Variants in IL6ST observed in about 807,000 individuals in gnomAD.
IL6ST encodes the protein interleukin 6 cytokine family signal transducer, also known as interleukin-6 receptor subunit beta.
In IL6ST, 24 loss-of-function variants were observed where a neutral mutation model predicts 91.3. The observed-to-expected ratio is 0.26, with a 90% confidence interval of 0.19 to 0.37. The LOEUF (loss-of-function observed/expected upper bound fraction) is 0.37, where lower values mean the gene tolerates loss of function less well. Among genes scored for constraint, IL6ST ranks in the 10% least tolerant of loss-of-function variants. The probability of loss-of-function intolerance (pLI) is 1.00; values close to 1 mark genes in which losing one functional copy is unlikely to be tolerated. For missense variants in IL6ST, 914 were observed against 1,078.5 expected, an observed-to-expected ratio of 0.85 and a Z score of 2.14; for synonymous variants, 351 against 373.6, an observed-to-expected ratio of 0.94 and a Z score of 0.70.
rs778499814 is a variant in IL6ST at position 55,940,314 on chromosome 5, C to T, written c.*768G>A. ...ATGCTTGAGATAGTTTGGGGGATCC[C>T]TAGCTCTTATCATGGCACTCTGTTG... On this transcript the variant is annotated 3_prime_UTR_variant, in exon 17 of 17. Transcript: ENST00000381298. 3.2e-4 allele frequency: 68 copies of T among 211,448 alleles called. No individual in the cohort carries two copies. The highest frequency in any genetic ancestry group is 7.6e-4 in the Admixed American group (13 of 17,018). 13.1% of individuals were successfully genotyped at this position (211,448 alleles called of 1,614,324 possible). A position where few individuals can be genotyped will look rare whatever the true frequency, so the allele number is the denominator to read the frequency against.
rs1172413136 is a variant in IL6ST, at chr5:55,937,503, A to G, written c.*3579T>C. 4.8e-6 allele frequency: 1 copy of G among 210,494 alleles called. No homozygotes were observed. Among genetic ancestry groups the G allele is most frequent in the Admixed American group, 5.9e-5 (1 of 17,030 alleles). 13.0% of individuals were successfully genotyped at this position (210,494 alleles called of 1,614,324 possible). A position where few individuals can be genotyped will look rare whatever the true frequency, so the allele number is the denominator to read the frequency against. On this transcript the variant is annotated 3_prime_UTR_variant, in exon 17 of 17. Transcript: ENST00000381298. ...TCTGAATTCTGTTTATCGAGTCTGAAAAGGAACTGCTGCCAAGGACCAGTC... is the reference window on the plus strand; with the variant it reads ...TCTGAATTCTGTTTATCGAGTCTGAGAAGGAACTGCTGCCAAGGACCAGTC...
chr5:55,965,369 T>A (rs1478265720), intron 5 of IL6ST, among the ~76,000 whole-genome samples: 1 of 152,184 alleles, frequency 6.6e-6, no homozygotes, highest in African/African-American at 2.4e-5. Context: ...CAGGTAAATA[T>A]AATTATGTAA....
At chr5:55,980,605 C>T (rs1753601541) in intron 2 of IL6ST, among the ~76,000 whole-genome samples, 1 of 152,094 alleles carries the variant, frequency 6.6e-6, no homozygotes. Flanking sequence ...GTACTATGCT[C>T]ACCAACTGGG....
intron 7 of IL6ST, among the ~76,000 whole-genome samples, chr5:55,961,486 G>A (rs534298775): frequency 6.6e-6 from 1 of 152,014 alleles, no homozygotes; most frequent in Non-Finnish European, 1.5e-5. Context: ...GGCTGGGTGC[G>A]GTGGCTCACG....
intron 10 of IL6ST, among the ~76,000 whole-genome samples, chr5:55,955,591 A>G (rs1461398702): frequency 2.0e-5 from 3 of 152,398 alleles, no homozygotes; most frequent in East Asian, 1.9e-4. Flanking sequence ...TCTTGAAATA[A>G]TATTTTAAAA....
chr5:55,940,323 A>G lies in IL6ST; in HGVS notation c.*759T>C. Reference sequence around the variant, plus strand: ...ATAGTTTGGGGGATCCCTAGCTCTTATCATGGCACTCTGTTGAGTTTGTGA... The same window carrying G: ...ATAGTTTGGGGGATCCCTAGCTCTTGTCATGGCACTCTGTTGAGTTTGTGA... On this transcript the variant is annotated 3_prime_UTR_variant, in exon 17 of 17. Transcript: ENST00000381298. 1 of 210,012 alleles carries G rather than the reference A, an allele frequency of 4.8e-6. No homozygotes were observed. The highest frequency in any genetic ancestry group is 9.7e-6 in the Non-Finnish European group (1 of 103,348). The allele number at this position is 210,012 out of a possible 1,614,324, so 13.0% of individuals were successfully genotyped here.
chr5:55,959,651 T>G (rs1320352044), intron 8 of IL6ST: 1 of 1,297,738 alleles, frequency 7.7e-7, no homozygotes, highest in Non-Finnish European at 1.0e-6. Context: ...GATCAACCGC[T>G]TCCCAGGGGC....
intron 14 of IL6ST, among the ~76,000 whole-genome samples, chr5:55,947,873 C>T (rs781542819): frequency 1.3e-5 from 2 of 152,108 alleles, no homozygotes; most frequent in Non-Finnish European, 2.9e-5. Context: ...GGGTAATCTA[C>T]TGGGTTAGAG....
At position 55,941,455 on chromosome 5, in the gene IL6ST, T is replaced by C; in HGVS notation, c.2384A>G (p.Asp795Gly). Residue 795 changes from aspartate to glycine, a missense_variant, in exon 17 of 17, where the codon GAT becomes GGT. Physicochemically the swap from Asp to Gly is moderately conservative, Grantham distance 94. Coordinates refer to ENST00000381298, the MANE Select transcript of IL6ST (RefSeq NM_002184.4). ...PLLDSEERPEDLQLVDHVDGG... is the reference protein window; with the variant it reads ...PLLDSEERPEGLQLVDHVDGG... ...ATCTACATGATCTACTAATTGTAGA[T>C]CTTCTGGCCGCTCCTCTGAATCTAA... 6.2e-7 allele frequency: 1 copy of C among 1,614,212 alleles called. No homozygotes were observed. The highest frequency in any genetic ancestry group is 8.5e-7 in the Non-Finnish European group (1 of 1,180,016).
chr5:55,962,403 C>T (rs1398320809), intron 7 of IL6ST, among the ~76,000 whole-genome samples: 4 of 152,140 alleles, frequency 2.6e-5, no homozygotes, highest in Non-Finnish European at 5.9e-5. Context: ...TAGCTGAATG[C>T]TATGGTGATA....
intron 1 of IL6ST, among the ~76,000 whole-genome samples, chr5:55,987,870 C>T (rs1039455398): frequency 7.2e-5 from 11 of 152,152 alleles, no homozygotes; most frequent in African/African-American, 1.7e-4. Context: ...TGGTGGCTTA[C>T]GCCTGTAATC....
At chr5:55,994,534 G>C (rs566689636) in intron 1 of IL6ST, among the ~76,000 whole-genome samples, 3 of 151,838 alleles carry the variant, frequency 2.0e-5, no homozygotes, top group African/African-American at 7.2e-5. Flanking sequence ...CGTTAAGAGG[G>C]GTGCGTGCGT....
chr5:55,957,291 C>G lies in IL6ST; in HGVS notation c.974G>C (p.Arg325Thr). 6.8e-7 allele frequency: 1 copy of G among 1,479,910 alleles called. No homozygotes were observed. The highest frequency in any genetic ancestry group is 1.2e-5 in the South Asian group (1 of 80,158). The allele number at this position is 1,479,910 out of a possible 1,614,324, so 91.7% of individuals were successfully genotyped here. A position where few individuals can be genotyped will look rare whatever the true frequency, so the allele number is the denominator to read the frequency against. Residue 325 changes from arginine to threonine, a missense_variant and splice_region_variant, in exon 9 of 17, where the codon AGA becomes ACA. Physicochemically the swap from Arg to Thr is moderately conservative, Grantham distance 71. Transcript: ENST00000381298. ...EEASGITYED[R>T]PSKAPSFWYK... ...CCAGAAACTTGGTGCTTTAGATGGTCCTAAAGAAAAGACATAAACTCCTTA... is the reference window on the plus strand; with the variant it reads ...CCAGAAACTTGGTGCTTTAGATGGTGCTAAAGAAAAGACATAAACTCCTTA...
intron 1 of IL6ST, among the ~76,000 whole-genome samples, chr5:55,989,329 A>G (rs990447522): frequency 6.6e-6 from 1 of 152,166 alleles, no homozygotes; most frequent in African/African-American, 2.4e-5. Context: ...ACTATTCAAT[A>G]AATAGTATTG....
At position 55,939,004 on chromosome 5, in the gene IL6ST, G is replaced by A. The variant is rs1750706922; in HGVS notation, c.*2078C>T. ...TTCCTGTAGATTAAGAGTTCATATT[G>A]TATATCTGACCCTGAAATGTACAAA... On this transcript the variant is annotated 3_prime_UTR_variant, in exon 17 of 17. Coordinates refer to ENST00000381298, the MANE Select transcript of IL6ST (RefSeq NM_002184.4). The A allele has an allele frequency of 4.9e-6, 1 of 204,788 alleles. No individual in the cohort carries two copies. The highest frequency in any genetic ancestry group is 1.0e-5 in the Non-Finnish European group (1 of 100,060). The allele number at this position is 204,788 out of a possible 1,614,324, so 12.7% of individuals were successfully genotyped here. A position where few individuals can be genotyped will look rare whatever the true frequency, so the allele number is the denominator to read the frequency against.
chr5:55,978,623 G>C (rs1753460250), intron 2 of IL6ST, among the ~76,000 whole-genome samples: 2 of 152,214 alleles, frequency 1.3e-5, no homozygotes, highest in African/African-American at 4.8e-5. Flanking sequence ...CTACTCAGGA[G>C]GCTGAGGCAG....
Position 55,985,442 on chromosome 5 carries a change from G to A in IL6ST, c.-103-2631C>T, listed in dbSNP as rs187056334. ...TGAGGCAAGAGAACTGCTTGAACCC[G>A]GGAGGCAGAGGAGGCTGCAAGTGAG... On this transcript the variant is annotated intron_variant, in intron 1 of 16. Coordinates refer to ENST00000381298, the MANE Select transcript of IL6ST (RefSeq NM_002184.4). 4.9e-4 allele frequency among the ~76,000 whole-genome samples: 74 copies of A among 151,756 alleles called. No homozygotes were observed. In the East Asian group the frequency reaches 0.013, roughly 26 times the overall value.
intron 1 of IL6ST, among the ~76,000 whole-genome samples, chr5:55,988,220 G>C (rs1307198518): frequency 6.6e-6 from 1 of 151,240 alleles, no homozygotes; most frequent in African/African-American, 2.4e-5. Context: ...TTAATGTCAA[G>C]ATTCAGACAA....
chr5:55,967,309 CAAAAAAAAAAAAAAAAAAAAAA>C (rs60547666), intron 5 of IL6ST, among the ~76,000 whole-genome samples: 1 of 31,902 alleles, frequency 3.1e-5, no homozygotes, highest in Admixed American at 6.1e-4. Flanking sequence ...GACTCCATCT[CAAAAAAAAAAAAAAAAAAAAAA>C]AAAAAAAAAA....
Sources: allele counts gnomAD v4.1 joint callset (sites outside exome capture counted in the v4.1 genomes callset), GRCh38; gene constraint gnomAD v4.1.1; transcripts MANE v1.5; gene names NCBI Gene and HGNC (gene_info 2026-07-23, HGNC 2026-07-21).